Variants in IL1RAPL2 observed in about 807,000 individuals in gnomAD.
IL1RAPL2 encodes the protein interleukin 1 receptor accessory protein like 2.
Under a neutral mutation model 44.1 loss-of-function variants are expected in IL1RAPL2, and 3 were observed. That is an observed-to-expected ratio of 0.07 (90% CI 0.03 to 0.18). The LOEUF is 0.18. IL1RAPL2 is among the 10% of genes least tolerant of loss of function. The pLI is 1.00. For missense variants in IL1RAPL2, 391 were observed against 496.4 expected (o/e 0.79, Z 2.02); for synonymous variants, 181 against 178.8 (o/e 1.01, Z -0.10).
intron 2 of IL1RAPL2, among the ~76,000 whole-genome samples, chrX:104,734,807 A>C (rs1931985170): frequency 8.9e-6 from 1 of 112,006 alleles, no homozygotes; most frequent in African/African-American, 3.2e-5. Flanking sequence ...AAAATTTAAA[A>C]ATTTAAAAAT....
intron 2 of IL1RAPL2, among the ~76,000 whole-genome samples, chrX:105,150,558 G>T (rs1343207794): frequency 8.9e-6 from 1 of 111,874 alleles, no homozygotes; most frequent in African/African-American, 3.2e-5. Flanking sequence ...AAGGAGATTT[G>T]CTGTCTGTTT....
At chrX:105,501,460 CA>C (rs1371994046) in intron 6 of IL1RAPL2, among the ~76,000 whole-genome samples, 2 of 110,365 alleles carry the variant, frequency 1.8e-5, no homozygotes, top group Non-Finnish European at 3.8e-5. Context: ...CCCCACTCTA[CA>C]AAAAATACAA....
intron 5 of IL1RAPL2, among the ~76,000 whole-genome samples, chrX:105,456,769 T>A (rs772188991): frequency 9.0e-6 from 1 of 111,213 alleles, no homozygotes; most frequent in Non-Finnish European, 1.9e-5. Flanking sequence ...TTATATTCTG[T>A]TCTTTGTATT....
chrX:104,606,952 T>C (rs1315928017), intron 1 of IL1RAPL2, among the ~76,000 whole-genome samples: 5 of 111,510 alleles, frequency 4.5e-5, no homozygotes, highest in Non-Finnish European at 7.5e-5. Context: ...GCAAGAAGAA[T>C]AAAGTTGGAG....
intron 6 of IL1RAPL2, among the ~76,000 whole-genome samples, chrX:105,489,627 C>A (rs965194875): frequency 3.6e-5 from 4 of 110,933 alleles, no homozygotes; most frequent in Non-Finnish European, 7.6e-5. Context: ...GTTCTTCTGA[C>A]TGATGATGAT....
rs3086025 is a variant in IL1RAPL2 at position 104,838,847 on chromosome X, CTTTTT to C, written c.82+179868_82+179872del. On this transcript the variant is annotated intron_variant, in intron 2 of 10. Transcript: ENST00000372582. ...TCTTTCTTTCTTTCTTTCTTTCTTT[CTTTTT>C]TTTTTTTTTTTTTTTGAGGCAGAGT... Among the ~76,000 whole-genome samples the C allele has an allele frequency of 1.2e-3, 42 of 36,289 alleles. 1 individual carries two copies. The highest frequency in any genetic ancestry group is 3.4e-3 in the African/African-American group (38 of 11,176). 31.5% of individuals were successfully genotyped at this position (36,289 alleles called of 115,157 possible).
intron 5 of IL1RAPL2, among the ~76,000 whole-genome samples, chrX:105,440,170 A>G (rs1052322302): frequency 1.8e-5 from 2 of 112,102 alleles, no homozygotes; most frequent in Non-Finnish European, 3.8e-5. Context: ...ACTTCATCCA[A>G]TGAAAAATGG....
At chrX:104,949,367 C>A (rs1193700725) in intron 2 of IL1RAPL2, among the ~76,000 whole-genome samples, 3 of 111,020 alleles carry the variant, frequency 2.7e-5, no homozygotes, top group Non-Finnish European at 5.7e-5. Context: ...TTCAAAAAAC[C>A]AGCTCCTGGA....
chrX:105,403,712 G>A (rs920693961), intron 5 of IL1RAPL2, among the ~76,000 whole-genome samples: 3 of 111,336 alleles, frequency 2.7e-5, no homozygotes, highest in African/African-American at 9.8e-5. Flanking sequence ...CTGTAGAGTG[G>A]TTCAGGTTCA....
intron 2 of IL1RAPL2, among the ~76,000 whole-genome samples, chrX:105,153,996 G>A (rs1011632106): frequency 9.0e-6 from 1 of 111,529 alleles, no homozygotes; most frequent in African/African-American, 3.3e-5. Context: ...AGACAGCTTC[G>A]CAGGGCCATT....
chrX:105,590,859 TTG>T (rs60004058), intron 6 of IL1RAPL2, among the ~76,000 whole-genome samples: 2,036 of 87,842 alleles, frequency 0.023, 38 homozygotes, highest in South Asian at 0.12. Context: ...TTGTGTGTGT[TTG>T]TGTGTGTGTG....
chrX:104,669,970 C>T (rs749804846), intron 2 of IL1RAPL2, among the ~76,000 whole-genome samples: 11 of 112,023 alleles, frequency 9.8e-5, no homozygotes, highest in Non-Finnish European at 2.1e-4. Context: ...TCACCAAGTT[C>T]TGCAGTTTGA....
intron 2 of IL1RAPL2, among the ~76,000 whole-genome samples, chrX:104,890,151 G>T (rs1043089862): frequency 5.4e-5 from 6 of 112,017 alleles, no homozygotes; most frequent in Admixed American, 1.9e-4. Flanking sequence ...TGGCTGCATA[G>T]TATACTGTGG....
chrX:105,268,172 A>C (rs1380880761), intron 5 of IL1RAPL2, among the ~76,000 whole-genome samples: 1 of 111,941 alleles, frequency 8.9e-6, no homozygotes, highest in Admixed American at 9.5e-5. Flanking sequence ...AATACCAAAA[A>C]GATATCCCTT....
In IL1RAPL2 at chrX:104,996,453, T is replaced by A. The variant is rs1412105073; in HGVS notation, c.83-199022T>A. Among the ~76,000 whole-genome samples, 9 of 111,741 alleles carry A rather than the reference T, an allele frequency of 8.1e-5. No individual in the cohort carries two copies. The Admixed American group carries it at 8.5e-4, about 11-fold the overall frequency. On this transcript the variant is annotated intron_variant, in intron 2 of 10. Transcript: ENST00000372582. ...TTCCCTGCAGAGGCAATAGTTAAGC[T>A]GAGACTTGTAAGATAATTGGAAATT...
chrX:105,603,504 G>T (rs964153503), intron 6 of IL1RAPL2, among the ~76,000 whole-genome samples: 1 of 111,406 alleles, frequency 9.0e-6, no homozygotes, highest in Non-Finnish European at 1.9e-5. Flanking sequence ...AAGTATGTAT[G>T]CCCTCAACAC....
chrX:104,601,137 T>A (rs1367446925), intron 1 of IL1RAPL2, among the ~76,000 whole-genome samples: 4 of 112,129 alleles, frequency 3.6e-5, no homozygotes, highest in African/African-American at 1.3e-4. Flanking sequence ...ATTTTCTTTT[T>A]TTTTATTATA....
intron 2 of IL1RAPL2, among the ~76,000 whole-genome samples, chrX:105,128,848 CAAAAT>C (rs1233499020): frequency 9.0e-6 from 1 of 111,016 alleles, no homozygotes; most frequent in African/African-American, 3.3e-5. Context: ...TAGTACAAAA[CAAAAT>C]GTGTCCACAA....
chrX:105,726,725 C>T (rs1435038147), intron 7 of IL1RAPL2, among the ~76,000 whole-genome samples: 1 of 110,937 alleles, frequency 9.0e-6, no homozygotes, highest in Non-Finnish European at 1.9e-5. Flanking sequence ...ATAAGAGAAC[C>T]CAGTCCCTAG....
Sources: allele counts gnomAD v4.1 joint callset (sites outside exome capture counted in the v4.1 genomes callset), GRCh38; gene constraint gnomAD v4.1.1; transcripts MANE v1.5; gene names NCBI Gene and HGNC (gene_info 2026-07-23, HGNC 2026-07-21).